The following EPHA2 variants were observed in gnomAD, a reference collection of about 807,000 sequenced individuals.
EPHA2 encodes EPH receptor A2.
A neutral mutation model predicts 104.9 loss-of-function variants in EPHA2; 54 were observed. That is an observed-to-expected ratio of 0.51 (90% CI 0.41 to 0.65). The LOEUF (loss-of-function observed/expected upper bound fraction) is 0.65. Among genes scored for constraint, EPHA2 ranks in the 30% least tolerant of loss-of-function variants. EPHA2 has a pLI of 0.00. For synonymous variants in EPHA2, 560 were observed against 559.1 expected, an observed-to-expected ratio of 1.00 and a Z score of -0.02; for missense variants, 1,117 against 1,369.5, an observed-to-expected ratio of 0.82 and a Z score of 2.91.
rs76638399 is a variant in EPHA2, at chr1:16,134,725, G to T, written c.1583-158C>A. On this transcript the variant is annotated intron_variant, in intron 7 of 16. Transcript: ENST00000358432. This position sits in a 1 kb window ranked among gnomAD's most constrained non-coding sequence, Gnocchi z 4.5. The stretch of plus-strand genomic sequence containing the variant: ...AGTCCCATTTCATAGACGGTCAAGC[G>T]GAGGCCTTCCCGAAGGTCTCACGGG... Among the ~76,000 whole-genome samples the T allele has an allele frequency of 0.019, 2,867 of 152,244 alleles. 96 individuals are homozygous for T. Among genetic ancestry groups the T allele is most frequent in the African/African-American group, 0.064 (2,643 of 41,520 alleles).
chr1:16,137,325 G>A (rs866140343), intron 5 of EPHA2, among the ~76,000 whole-genome samples: 12 of 152,000 alleles, frequency 7.9e-5, no homozygotes, highest in Middle Eastern at 3.4e-3. Context: ...CAGGCTGGGC[G>A]CAGTGGCTCA....
chr1:16,134,319 C>G lies in EPHA2; in HGVS notation c.1682+149G>C, dbSNP rs187764312. ...CGTGCCAGGCACTTCGCTACACACT[C>G]TAACTCGTATATCCTCGCACCATCC... On this transcript the variant is annotated intron_variant, in intron 8 of 16. Coordinates refer to ENST00000358432, the MANE Select transcript of EPHA2 (RefSeq NM_004431.5). The surrounding 1 kb of genome is among the most constrained non-coding windows in gnomAD (Gnocchi z 4.5). 110 of 924,072 alleles carry G rather than the reference C, an allele frequency of 1.2e-4. No individual in the cohort carries two copies. The East Asian group carries it at 2.9e-3, about 24-fold the overall frequency. 57.2% of individuals were successfully genotyped at this position (924,072 alleles called of 1,614,324 possible).
In EPHA2 at chr1:16,137,931, C is replaced by T. The variant is rs762421550; in HGVS notation, c.1234G>A (p.Val412Met). 28 of 1,614,016 alleles carry T rather than the reference C, an allele frequency of 1.7e-5. No individual in the cohort carries two copies. The highest frequency in any genetic ancestry group is 1.4e-4 in the South Asian group (13 of 91,096). ...LEPHMNYTFTVEARNGVSGLV... is the reference protein window; with the variant it reads ...LEPHMNYTFTMEARNGVSGLV... Reference sequence around the variant, plus strand: ...CCTGAGACGCCATTGCGGGCCTCCACGGTGAAGGTGTAGTTCATGTGGGGC... The same window carrying T: ...CCTGAGACGCCATTGCGGGCCTCCATGGTGAAGGTGTAGTTCATGTGGGGC... Residue 412 changes from valine to methionine, a missense_variant, in exon 5 of 17, where the codon GTG (valine) becomes ATG (methionine). This residue lies in a region of EPHA2 where 664 missense variants were observed against 784.8 expected (regional missense o/e 0.85). Transcript: ENST00000358432.
chr1:16,127,610 C>T (rs999497766), intron 16 of EPHA2, among the ~76,000 whole-genome samples: 27 of 152,188 alleles, frequency 1.8e-4, no homozygotes, highest in Non-Finnish European at 1.8e-4. Flanking sequence ...CCCGTTGGGA[C>T]CCATGGCGTG....
chr1:16,130,530 G>T lies in EPHA2; in HGVS notation c.2476-111C>A. On this transcript the variant is annotated intron_variant, in intron 14 of 16. Transcript: ENST00000358432. The surrounding 1 kb of genome is among the most constrained non-coding windows in gnomAD (Gnocchi z 4.5). ...AGGGGAGGGGAACAGGAACATCCCAGAAACAGACAGGAAGGGCCTTTCTTG... is the reference window on the plus strand; with the variant it reads ...AGGGGAGGGGAACAGGAACATCCCATAAACAGACAGGAAGGGCCTTTCTTG... The T allele has an allele frequency of 9.2e-7, 1 of 1,091,774 alleles. No individual in the cohort carries two copies. The highest frequency in any genetic ancestry group is 1.3e-6 in the Non-Finnish European group (1 of 792,092). The allele number at this position is 1,091,774 out of a possible 1,614,324, so 67.6% of individuals were successfully genotyped here. A position where few individuals can be genotyped will look rare whatever the true frequency, so the allele number is the denominator to read the frequency against.
In EPHA2 at chr1:16,135,729, G is replaced by T. The variant is rs757607113; in HGVS notation, c.1354C>A (p.Leu452Ile). 4 of 1,613,510 alleles carry T rather than the reference G, an allele frequency of 2.5e-6. No homozygotes were observed. Among genetic ancestry groups the T allele is most frequent in the Non-Finnish European group, 3.4e-6 (4 of 1,179,968 alleles). ...VRLEGRSTTS[L>I]SVSWSIPPPQ... ...GGGGGGATGCTCCAGGAGACGCTAAGCGAGGTGGTGCTGCGGCCCTCCAGC... is the reference window on the plus strand; with the variant it reads ...GGGGGGATGCTCCAGGAGACGCTAATCGAGGTGGTGCTGCGGCCCTCCAGC... Residue 452 changes from leucine (L) to isoleucine (I), a missense_variant, in exon 6 of 17, where the codon CTT becomes ATT. By Grantham distance (5) the Leu-to-Ile change is conservative. Coordinates refer to ENST00000358432, the MANE Select transcript of EPHA2 (RefSeq NM_004431.5). The surrounding 1 kb of genome is among the most constrained non-coding windows in gnomAD (Gnocchi z 4.3).
In EPHA2 at chr1:16,129,487, G is replaced by A. The variant is rs368262164; in HGVS notation, c.2772C>T (p.His924=). ...ESIKMQQYTE[H]FMAAGYTAIE... is the part of the protein sequence containing the mutation. ...TGGCAGTGTAGCCGGCCGCCATGAA[G>A]TGCTCCGTATACTGCTGCATCTTGA... Residue 924 remains histidine (H), a synonymous_variant, in exon 16 of 17, where the codon CAC becomes CAT. Transcript: ENST00000358432. 4 of 1,613,802 alleles carry A rather than the reference G, an allele frequency of 2.5e-6. No homozygotes were observed. Among genetic ancestry groups the A allele is most frequent in the Non-Finnish European group, 2.5e-6 (3 of 1,180,024 alleles).
At chr1:16,139,869 GA>G (rs1553136228) in intron 3 of EPHA2, among the ~76,000 whole-genome samples, 1 of 152,186 alleles carries the variant, frequency 6.6e-6, no homozygotes, top group Non-Finnish European at 1.5e-5. Flanking sequence ...CTGATGTGGA[GA>G]AGTCAGACCC....
At position 16,142,672 on chromosome 1, in the gene EPHA2, T is replaced by G. The variant is rs532036612; in HGVS notation, c.824-4242A>C. 8.5e-5 allele frequency among the ~76,000 whole-genome samples: 7 copies of G among 82,368 alleles called. 1 individual carries two copies. Among genetic ancestry groups the G allele is most frequent in the African/African-American group, 3.5e-4 (7 of 20,146 alleles). 54.0% of individuals were successfully genotyped at this position (82,368 alleles called of 152,430 possible). A position where few individuals can be genotyped will look rare whatever the true frequency, so the allele number is the denominator to read the frequency against. On this transcript the variant is annotated intron_variant, in intron 3 of 16. Coordinates refer to ENST00000358432, the MANE Select transcript of EPHA2 (RefSeq NM_004431.5). The stretch of plus-strand genomic sequence containing the variant: ...GTGGACAGGTGGATGAGTGGATGGA[T>G]GGATGAGGGATGGATGGGTGGGTGG...
In EPHA2 at chr1:16,125,042, T is replaced by A; in HGVS notation, c.*173A>T. The A allele has an allele frequency of 1.5e-6, 1 of 661,872 alleles. No individual in the cohort carries two copies. Among genetic ancestry groups the A allele is most frequent in the Non-Finnish European group, 2.8e-6 (1 of 363,568 alleles). The allele number at this position is 661,872 out of a possible 1,614,324, so 41.0% of individuals were successfully genotyped here. On this transcript the variant is annotated 3_prime_UTR_variant, in exon 17 of 17. Coordinates refer to ENST00000358432, the MANE Select transcript of EPHA2 (RefSeq NM_004431.5). This position sits in a 1 kb window ranked among gnomAD's most constrained non-coding sequence, Gnocchi z 4.9. Reference sequence around the variant, plus strand: ...AGAGGGCCCAGCCCAGCATCCCTGGTCATCTCCTCAGTTCAGGCCAGGGTG... The same window carrying A: ...AGAGGGCCCAGCCCAGCATCCCTGGACATCTCCTCAGTTCAGGCCAGGGTG...
chr1:16,137,238 T>C lies in EPHA2; in HGVS notation c.1312+615A>G, dbSNP rs371763576. On this transcript the variant is annotated intron_variant, in intron 5 of 16. Coordinates refer to ENST00000358432, the MANE Select transcript of EPHA2 (RefSeq NM_004431.5). ...ATCTTTCAGCTTCTGTGGGCCATAA[T>C]GGAAGAATGGTCTTGGGCCACAAAT... Among the ~76,000 whole-genome samples, 146 of 150,848 alleles carry C rather than the reference T, an allele frequency of 9.7e-4. 2 individuals carry two copies. The South Asian group carries it at 0.03, about 31-fold the overall frequency.
intron 3 of EPHA2, among the ~76,000 whole-genome samples, chr1:16,139,753 C>T (rs544579321): frequency 1.3e-4 from 20 of 152,192 alleles, no homozygotes; most frequent in African/African-American, 4.3e-4. Flanking sequence ...GGTTTGTGGG[C>T]ACAAATGTGG....
intron 3 of EPHA2, among the ~76,000 whole-genome samples, chr1:16,147,384 G>A (rs1422248864): frequency 6.6e-6 from 1 of 152,192 alleles, no homozygotes; most frequent in Non-Finnish European, 1.5e-5. Flanking sequence ...CAAAAGCTCC[G>A]CGGGTGATCC....
At chr1:16,152,386 C>A (rs1321584222) in intron 1 of EPHA2, among the ~76,000 whole-genome samples, 1 of 152,128 alleles carries the variant, frequency 6.6e-6, no homozygotes. Flanking sequence ...CTGCCACCCC[C>A]ACTACTGACC....
At chr1:16,145,251 G>A (rs965091580) in intron 3 of EPHA2, among the ~76,000 whole-genome samples, 6 of 152,336 alleles carry the variant, frequency 3.9e-5, no homozygotes, top group African/African-American at 9.6e-5. Flanking sequence ...CAGCCCGAGC[G>A]ACTCCACTGT....
intron 3 of EPHA2, among the ~76,000 whole-genome samples, chr1:16,144,099 G>A (rs1015284066): frequency 3.3e-5 from 5 of 152,006 alleles, no homozygotes; most frequent in Non-Finnish European, 7.4e-5. Context: ...GCTTTCCCTC[G>A]CCTCCTTCCT....
chr1:16,127,654 T>G (rs2024494622), intron 16 of EPHA2, among the ~76,000 whole-genome samples: 1 of 152,128 alleles, frequency 6.6e-6, no homozygotes. Flanking sequence ...AAAAAGTCCT[T>G]TGAGATCCCC....
In EPHA2 at chr1:16,135,213, G is replaced by A; in HGVS notation, c.1429-24C>T. On this transcript the variant is annotated intron_variant, in intron 6 of 16. Transcript: ENST00000358432. The surrounding 1 kb of genome is among the most constrained non-coding windows in gnomAD (Gnocchi z 4.3). ...CCCTGTGGGTGGGTGGCCGGCGGAG[G>A]AGCAGGCAGTGAGGGCAGGGCAGGG... is the stretch of plus-strand genomic sequence containing the variant. The A allele has an allele frequency of 1.2e-6, 2 of 1,612,908 alleles. No individual in the cohort carries two copies. The highest frequency in any genetic ancestry group is 1.7e-6 in the Non-Finnish European group (2 of 1,179,850).
Position 16,132,359 on chromosome 1 carries a change from C to T in EPHA2, c.2115+19G>A. ...CTCAATGGCCAGGCATCCCCGCCCC[C>T]TACAACCCACATCCTTACCCGAAGG... On this transcript the variant is annotated intron_variant, in intron 12 of 16. Coordinates refer to ENST00000358432, the MANE Select transcript of EPHA2 (RefSeq NM_004431.5). 1 of 1,614,164 alleles carries T rather than the reference C, an allele frequency of 6.2e-7. No individual in the cohort carries two copies. Among genetic ancestry groups the T allele is most frequent in the East Asian group, 2.2e-5 (1 of 44,886 alleles).
Sources: allele counts gnomAD v4.1 joint callset (sites outside exome capture counted in the v4.1 genomes callset), GRCh38; gene constraint gnomAD v4.1.1; regional missense constraint gnomAD v4.1.1; non-coding constraint Gnocchi (gnomAD v3.1); transcripts MANE v1.5; gene names NCBI Gene and HGNC (gene_info 2026-07-23, HGNC 2026-07-21).